The following SLC11A2 variants were observed in gnomAD, a reference collection of about 807,000 sequenced individuals.
SLC11A2 encodes the protein solute carrier family 11 member 2.
A neutral mutation model predicts 68.0 loss-of-function variants in SLC11A2; 38 were observed. That is an observed-to-expected ratio of 0.56 (90% CI 0.43 to 0.73). The LOEUF (loss-of-function observed/expected upper bound fraction) is 0.73. Ranked by LOEUF, SLC11A2 falls within the 30% of genes least tolerant of loss-of-function variation. The pLI, the probability that SLC11A2 is intolerant of heterozygous loss-of-function variation, is 0.00. For missense variants in SLC11A2, 517 were observed against 690.5 expected (o/e 0.75, Z 2.82); for synonymous variants, 242 against 250.6 (o/e 0.97, Z 0.32).
chr12:50,953,315 C>G, the SLC11A2 span, among the ~76,000 whole-genome samples: 1 of 152,202 alleles, frequency 6.6e-6, no homozygotes, highest in Non-Finnish European at 1.5e-5. Flanking sequence ...TAGGATGAAG[C>G]CGCTGTATTT....
At chr12:50,960,835 AC>A in the SLC11A2 span, 1 of 701,836 alleles carries the variant, frequency 1.4e-6, no homozygotes, top group Admixed American at 3.1e-5. Flanking sequence ...GACGTGTATC[AC>A]CATGTGTGGC....
chr12:50,992,244 A>G lies in SLC11A2; in HGVS notation c.1293T>C (p.Asp431=). The change falls in exon 13 of 16, where the codon GAT becomes GAC. Residue 431 remains aspartate, a synonymous_variant. Transcript: ENST00000262052. ...CATTCATCCCTGTTAGATGCTCTACATCTTGGAAGACAGCAACAAGCAGAG... is the reference window on the plus strand; with the variant it reads ...CATTCATCCCTGTTAGATGCTCTACGTCTTGGAAGACAGCAACAAGCAGAG... ...IPTLLVAVFQ[D]VEHLTGMNDF... 2 of 1,614,124 alleles carry G rather than the reference A, an allele frequency of 1.2e-6. No individual in the cohort carries two copies. Among genetic ancestry groups the G allele is most frequent in the South Asian group, 1.1e-5 (1 of 91,090 alleles).
Position 51,000,418 on chromosome 12 carries a change from A to G in SLC11A2, c.431T>C (p.Val144Ala), listed in dbSNP as rs762525808. 2.5e-6 allele frequency: 4 copies of G among 1,607,462 alleles called. No homozygotes were observed. The highest frequency in any genetic ancestry group is 3.4e-6 in the Non-Finnish European group (4 of 1,173,872). ...AEVCHRQYPK[V>A]PRVILWLMVE... Reference sequence around the variant, plus strand: ...CATCAGCCACAGGATGACTCGTGGGACCTAAACATCAAACAGTAGAAAGAC... The same window carrying G: ...CATCAGCCACAGGATGACTCGTGGGGCCTAAACATCAAACAGTAGAAAGAC... The change falls in exon 6 of 16, where the codon GTC becomes GCC. Residue 144 changes from valine (V) to alanine (A), a missense_variant and splice_region_variant. Coordinates refer to ENST00000262052, the MANE Select transcript of SLC11A2 (RefSeq NM_000617.3).
upstream of SLC11A2, chr12:51,028,089 C>A (rs1208460372): frequency 8.5e-6 from 7 of 824,556 alleles, no homozygotes; most frequent in East Asian, 1.7e-4. Context: ...TTGGCAACTT[C>A]TATTATAACT....
At chr12:50,973,870 A>T in the SLC11A2 span, among the ~76,000 whole-genome samples, 1,324 of 152,360 alleles carry the variant, frequency 8.7e-3, 21 homozygotes, top group African/African-American at 0.03. Context: ...GATTCGATCA[A>T]CTAGAAGAAA....
At chr12:50,952,600 T>C in the SLC11A2 span, among the ~76,000 whole-genome samples, 1 of 152,018 alleles carries the variant, frequency 6.6e-6, no homozygotes, top group Non-Finnish European at 1.5e-5. Flanking sequence ...CCCACTCAGG[T>C]CTCACACACA....
At chr12:51,017,035 G>C (rs768406889) in intron 1 of SLC11A2, among the ~76,000 whole-genome samples, 1 of 151,358 alleles carries the variant, frequency 6.6e-6, no homozygotes, top group Non-Finnish European at 1.5e-5. Context: ...TTGTAAGACT[G>C]TTTTACAAGA....
chr12:50,982,086 G>T (rs932911102), downstream of SLC11A2, among the ~76,000 whole-genome samples: 3 of 152,148 alleles, frequency 2.0e-5, no homozygotes, highest in Admixed American at 6.6e-5. Flanking sequence ...GCCTAAGGAT[G>T]GGTGCTTCAA....
At chr12:50,961,264 C>T in the SLC11A2 span, among the ~76,000 whole-genome samples, 1 of 152,040 alleles carries the variant, frequency 6.6e-6, no homozygotes, top group Non-Finnish European at 1.5e-5. Flanking sequence ...CCCAGTTGTG[C>T]GCTTAATTTT....
At chr12:51,008,276 A>AGACATC (rs1942917965) in intron 3 of SLC11A2, 200 bp downstream of exon 3, 1 of 512,834 alleles carries the variant, frequency 1.9e-6, no homozygotes, top group African/African-American at 2.0e-5. Flanking sequence ...ACAGACAGAC[A>AGACATC]GACAGAGATA....
At chr12:50,975,130 C>T (rs1000131350), downstream of SLC11A2, among the ~76,000 whole-genome samples, 11 of 152,152 alleles carry the variant, frequency 7.2e-5, no homozygotes, top group Non-Finnish European at 1.5e-4. Context: ...CAGCTCTGCA[C>T]CAAGTGGACC....
At chr12:51,027,767 G>A (rs1944447199), upstream of SLC11A2, among the ~76,000 whole-genome samples, 1 of 152,122 alleles carries the variant, frequency 6.6e-6, no homozygotes, top group Non-Finnish European at 1.5e-5. Context: ...CAGCATTAAA[G>A]GTAATTGAGC....
chr12:51,017,057 A>T (rs1263017249), intron 1 of SLC11A2, among the ~76,000 whole-genome samples: 1 of 152,030 alleles, frequency 6.6e-6, no homozygotes, highest in Non-Finnish European at 1.5e-5. Context: ...AAAAATGCTA[A>T]CAAAATTTTA....
At chr12:50,966,580 C>A in the SLC11A2 span, among the ~76,000 whole-genome samples, 2 of 152,184 alleles carry the variant, frequency 1.3e-5, no homozygotes, top group South Asian at 4.1e-4. Context: ...GGGAACAAAA[C>A]TGCCCCTGGT....
intron 3 of SLC11A2, among the ~76,000 whole-genome samples, chr12:51,007,007 C>A (rs1342032736): frequency 6.6e-6 from 1 of 152,170 alleles, no homozygotes; most frequent in Non-Finnish European, 1.5e-5. Context: ...CTCAGCCTCC[C>A]AAAGTGCTGG....
chr12:51,021,145 T>C (rs1944016382), intron 1 of SLC11A2, among the ~76,000 whole-genome samples: 2 of 152,140 alleles, frequency 1.3e-5, no homozygotes, highest in South Asian at 4.1e-4. Flanking sequence ...TGATTTTAAG[T>C]ACATGGGACG....
At position 50,986,769 on chromosome 12, in the gene SLC11A2, A is replaced by C. The variant is rs1434329496; in HGVS notation, c.*1556T>G. On this transcript the variant is annotated 3_prime_UTR_variant, in exon 16 of 16. Transcript: ENST00000262052. ...CTGTGCTATATTACTTGAGGGGCTA[A>C]GAAAAATGTATGGTCAGTGAAACAC... is the stretch of plus-strand genomic sequence containing the variant. The C allele has an allele frequency of 7.8e-7, 1 of 1,287,210 alleles. No individual in the cohort carries two copies. Among genetic ancestry groups the C allele is most frequent in the Non-Finnish European group, 1.0e-6 (1 of 988,690 alleles). The allele number at this position is 1,287,210 out of a possible 1,614,324, so 79.7% of individuals were successfully genotyped here.
chr12:51,015,157 CTCA>C (rs1943541609), intron 1 of SLC11A2, among the ~76,000 whole-genome samples: 1 of 82,814 alleles, frequency 1.2e-5, no homozygotes, highest in African/African-American at 4.3e-5. Flanking sequence ...AAGACTCCGT[CTCA>C]TTAAAAAAAA....
downstream of SLC11A2, among the ~76,000 whole-genome samples, chr12:50,976,748 CCAT>C (rs1939854077): frequency 5.9e-5 from 9 of 152,190 alleles, no homozygotes; most frequent in Admixed American, 5.9e-4. Context: ...CTAGAAAACC[CCAT>C]CGTCTCAGCC....
Sources: gnomAD v4.1 joint callset for allele counts (sites outside exome capture counted in the v4.1 genomes callset) on GRCh38, gnomAD v4.1.1 for gene constraint, MANE v1.5 for transcripts, NCBI Gene and HGNC (gene_info 2026-07-23, HGNC 2026-07-21) for gene names.